ITPKB: variants seen among roughly 807,000 people sequenced by gnomAD.
The protein encoded by ITPKB is IP3 3-kinase B.
A neutral mutation model predicts 69.4 loss-of-function variants in ITPKB; 13 were observed. That is an observed-to-expected ratio of 0.19 (90% CI 0.12 to 0.30). ITPKB has a LOEUF of 0.30. ITPKB is among the 10% of genes least tolerant of loss of function. The probability of loss-of-function intolerance (pLI) is 1.00; values close to 1 mark genes in which losing one functional copy is unlikely to be tolerated. For missense variants in ITPKB, 1,240 were observed against 1,250.5 expected, an observed-to-expected ratio of 0.99 and a Z score of 0.13; for synonymous variants, 584 against 513.7, an observed-to-expected ratio of 1.14 and a Z score of -1.85.
chr1:226,668,268 A>T (rs912242180), intron 2 of ITPKB, among the ~76,000 whole-genome samples: 2 of 152,218 alleles, frequency 1.3e-5, no homozygotes, highest in Non-Finnish European at 2.9e-5. Flanking sequence ...TATGGAAGTT[A>T]ATTCAAATAA....
chr1:226,729,647 C>T (rs1481710756), intron 2 of ITPKB, among the ~76,000 whole-genome samples: 1 of 151,902 alleles, frequency 6.6e-6, no homozygotes, highest in African/African-American at 2.4e-5. Flanking sequence ...GGTGCAATCT[C>T]GGCTCACTGC....
At chr1:226,726,169 G>C (rs757103904) in intron 2 of ITPKB, among the ~76,000 whole-genome samples, 16 of 152,190 alleles carry the variant, frequency 1.1e-4, no homozygotes, top group Non-Finnish European at 1.3e-4. Flanking sequence ...GGATACCCAA[G>C]TCCAAAGAGG....
intron 2 of ITPKB, among the ~76,000 whole-genome samples, chr1:226,652,628 A>G (rs576176387): frequency 2.1e-4 from 32 of 152,326 alleles, no homozygotes; most frequent in Non-Finnish European, 3.2e-4. Context: ...AGGAAATACA[A>G]AAGTGGCCTT....
In ITPKB at chr1:226,698,705, C is replaced by CAG. The variant is rs796657013; in HGVS notation, c.1932+36821_1932+36822insCT. On this transcript the variant is annotated intron_variant, in intron 2 of 7. Transcript: ENST00000429204. The stretch of plus-strand genomic sequence containing the variant: ...ATCTGCAGGAGGTTATGGAAAGCAG[C>CAG]ATCCCAGATGGGGCAGCCCTCCCTG... 5.9e-5 allele frequency among the ~76,000 whole-genome samples: 9 copies of CAG among 152,368 alleles called. 1 individual carries two copies. The highest frequency in any genetic ancestry group is 2.2e-4 in the African/African-American group (9 of 41,592).
intron 2 of ITPKB, among the ~76,000 whole-genome samples, chr1:226,695,537 G>T (rs933607439): frequency 3.9e-5 from 6 of 152,136 alleles, no homozygotes; most frequent in Non-Finnish European, 7.4e-5. Context: ...GCACTGACAG[G>T]GCAAGCAGTC....
chr1:226,704,283 C>G (rs372517520), intron 2 of ITPKB, among the ~76,000 whole-genome samples: 1 of 152,290 alleles, frequency 6.6e-6, no homozygotes. Flanking sequence ...ATTGTTAACT[C>G]TCAATAATTA....
chr1:226,647,614 C>T (rs1669087961), intron 3 of ITPKB, among the ~76,000 whole-genome samples: 1 of 152,268 alleles, frequency 6.6e-6, no homozygotes, highest in Non-Finnish European at 1.5e-5. Context: ...CAGACTCCTC[C>T]TCACCAGTGT....
rs1668764871 is a variant in ITPKB at position 226,633,436 on chromosome 1, T to C, written c.*1235A>G. 1 of 152,232 alleles carries C rather than the reference T, an allele frequency of 6.6e-6. No individual in the cohort carries two copies. The highest frequency in any genetic ancestry group is 2.4e-5 in the African/African-American group (1 of 41,452). 9.4% of individuals were successfully genotyped at this position (152,232 alleles called of 1,614,324 possible). ...CAGGCAAATTTTACATTCCCTTCCA[T>C]ATCAGACTCACTGGCTTTCAGTTAA... On this transcript the variant is annotated 3_prime_UTR_variant, in exon 8 of 8. Coordinates refer to ENST00000429204, the MANE Select transcript of ITPKB (RefSeq NM_002221.4).
chr1:226,708,638 G>A (rs1656870105), intron 2 of ITPKB, among the ~76,000 whole-genome samples: 2 of 152,216 alleles, frequency 1.3e-5, no homozygotes. Context: ...GCAACCACGA[G>A]GAAAGATGAG....
In ITPKB at chr1:226,633,391, G is replaced by C. The variant is rs1668764409; in HGVS notation, c.*1280C>G. ...CAAGGAGCATGGGGCACAGAGCTGG[G>C]GGTTTTGTTCTTAAGAAGTCAGGCA... On this transcript the variant is annotated 3_prime_UTR_variant, in exon 8 of 8. Coordinates refer to ENST00000429204, the MANE Select transcript of ITPKB (RefSeq NM_002221.4). 1 of 152,228 alleles carries C rather than the reference G, an allele frequency of 6.6e-6. No homozygotes were observed. The highest frequency in any genetic ancestry group is 6.5e-5 in the Admixed American group (1 of 15,278). The allele number at this position is 152,228 out of a possible 1,614,324, so 9.4% of individuals were successfully genotyped here.
chr1:226,683,469 A>G (rs1461078252), intron 2 of ITPKB, among the ~76,000 whole-genome samples: 1 of 152,192 alleles, frequency 6.6e-6, no homozygotes, highest in Non-Finnish European at 1.5e-5. Flanking sequence ...CCAGTCACAG[A>G]ACTCATCAGA....
chr1:226,647,516 G>A, intron 3 of ITPKB, 136 bp from the exon 4 acceptor site: 1 of 646,614 alleles, frequency 1.5e-6, no homozygotes, highest in Non-Finnish European at 2.8e-6. Flanking sequence ...CCCTGCTATG[G>A]ACTGAGCACC....
At chr1:226,638,400 G>A (rs897225853) in intron 6 of ITPKB, among the ~76,000 whole-genome samples, 2 of 152,214 alleles carry the variant, frequency 1.3e-5, no homozygotes, top group Admixed American at 1.3e-4. Flanking sequence ...AGTTCCAGCC[G>A]GTACTGAGTC....
chr1:226,635,062 C>T (rs1200523274), intron 7 of ITPKB, among the ~76,000 whole-genome samples, 176 bp from the exon 8 acceptor site: 1 of 152,200 alleles, frequency 6.6e-6, no homozygotes, highest in Non-Finnish European at 1.5e-5. Flanking sequence ...ATGGCCATGC[C>T]TGGGCAGAGG....
At chr1:226,694,375 C>T (rs1344534812) in intron 2 of ITPKB, among the ~76,000 whole-genome samples, 4 of 152,178 alleles carry the variant, frequency 2.6e-5, no homozygotes, top group Non-Finnish European at 5.9e-5. Flanking sequence ...TATTAGGACC[C>T]TAGAAGGTTC....
At chr1:226,658,975 G>A (rs543981795) in intron 2 of ITPKB, among the ~76,000 whole-genome samples, 17 of 152,298 alleles carry the variant, frequency 1.1e-4, no homozygotes, top group South Asian at 2.1e-4. Context: ...ATCAGGCTGC[G>A]AGGGCTGCCG....
At chr1:226,714,174 T>C (rs552148569) in intron 2 of ITPKB, among the ~76,000 whole-genome samples, 3 of 152,236 alleles carry the variant, frequency 2.0e-5, no homozygotes, top group South Asian at 4.1e-4. Flanking sequence ...CCCTTAAAAT[T>C]AGGTGAGGAC....
In ITPKB at chr1:226,644,870, C is replaced by T. The variant is rs535371381; in HGVS notation, c.2246+2297G>A. Among the ~76,000 whole-genome samples, 51 of 152,332 alleles carry T rather than the reference C, an allele frequency of 3.3e-4. No homozygotes were observed. In the South Asian group the frequency reaches 0.01, roughly 30 times the overall value. ...GGGAGAGGCCCTGCAGCCAAGGGTTCTGGATGAACGCATTTGGGGGAAGGC... is the reference window on the plus strand; with the variant it reads ...GGGAGAGGCCCTGCAGCCAAGGGTTTTGGATGAACGCATTTGGGGGAAGGC... On this transcript the variant is annotated intron_variant, in intron 4 of 7. Coordinates refer to ENST00000429204, the MANE Select transcript of ITPKB (RefSeq NM_002221.4).
chr1:226,688,185 A>G (rs1314912216), intron 2 of ITPKB, among the ~76,000 whole-genome samples: 2 of 152,220 alleles, frequency 1.3e-5, no homozygotes, highest in African/African-American at 2.4e-5. Flanking sequence ...GCAAATAGTG[A>G]CATTATCATA....
Sources: allele counts gnomAD v4.1 joint callset (sites outside exome capture counted in the v4.1 genomes callset), GRCh38; gene constraint gnomAD v4.1.1; transcripts MANE v1.5; gene names NCBI Gene and HGNC (gene_info 2026-07-23, HGNC 2026-07-21).